ABCG1: variants seen among roughly 807,000 people sequenced by gnomAD.
ABCG1 encodes ATP-binding cassette sub-family G member 1.
A neutral mutation model predicts 69.2 loss-of-function variants in ABCG1; 29 were observed. That is an observed-to-expected ratio of 0.42 (90% CI 0.31 to 0.57). The LOEUF is 0.57. ABCG1 is among the 20% of genes least tolerant of loss of function. ABCG1 has a pLI of 0.15. For synonymous variants in ABCG1, 370 were observed against 374.8 expected (o/e 0.99, Z 0.15); for missense variants, 718 against 898.1 (o/e 0.80, Z 2.56).
chr21:42,250,114 G>T (rs995478882), intron 2 of ABCG1, among the ~76,000 whole-genome samples: 5 of 152,034 alleles, frequency 3.3e-5, no homozygotes, highest in Admixed American at 1.3e-4. Context: ...GGTGCAGGGG[G>T]AGGGGGCGTT....
At chr21:42,292,518 C>G (rs1369110947) in intron 13 of ABCG1, among the ~76,000 whole-genome samples, 1 of 152,022 alleles carries the variant, frequency 6.6e-6, no homozygotes, top group Non-Finnish European at 1.5e-5. Flanking sequence ...GCAGGGGTCA[C>G]TAATCAGACC....
intron 1 of ABCG1, among the ~76,000 whole-genome samples, chr21:42,200,259 G>C (rs1306016967): frequency 9.2e-5 from 14 of 152,326 alleles, no homozygotes. Flanking sequence ...ATGGGGGTGA[G>C]GCCGGCTTGG....
In ABCG1 at chr21:42,287,995, T is replaced by G. The variant is rs764931677; in HGVS notation, c.1080T>G (p.Asp360Glu). 4.3e-6 allele frequency: 7 copies of G among 1,613,178 alleles called. No homozygotes were observed. The highest frequency in any genetic ancestry group is 5.1e-6 in the Non-Finnish European group (6 of 1,179,536). Reference sequence around the variant, plus strand: ...ACCACAAGAGAGACCTCGGGGGTGATGCCGAGGTGAACCCTTTTCTTTGGC... The same window carrying G: ...ACCACAAGAGAGACCTCGGGGGTGAGGCCGAGGTGAACCCTTTTCTTTGGC... ...DSDHKRDLGGDAEVNPFLWHR... is the reference protein window; with the variant it reads ...DSDHKRDLGGEAEVNPFLWHR... Residue 360 changes from aspartate (D) to glutamate (E), a missense_variant, in exon 9 of 15, where the codon GAT becomes GAG. Transcript: ENST00000398449. The surrounding 1 kb of genome is among the most constrained non-coding windows in gnomAD (Gnocchi z 6.2).
At chr21:42,204,645 T>G (rs116989198) in intron 2 of ABCG1, among the ~76,000 whole-genome samples, 5,007 of 152,262 alleles carry the variant, frequency 0.033, 139 homozygotes, top group Middle Eastern at 0.068. Flanking sequence ...TCTGCTAGTA[T>G]TTTGTTTGGG....
At chr21:42,237,713 G>A (rs1448478154) in intron 2 of ABCG1, among the ~76,000 whole-genome samples, 1 of 152,238 alleles carries the variant, frequency 6.6e-6, no homozygotes, top group East Asian at 1.9e-4. Context: ...GGAAAACCAA[G>A]AGCCTTGAGA....
chr21:42,265,567 CAG>C (rs1287381558), intron 2 of ABCG1, among the ~76,000 whole-genome samples: 1 of 152,178 alleles, frequency 6.6e-6, no homozygotes, highest in African/African-American at 2.4e-5. Context: ...CTGGCAGAGA[CAG>C]GGGAGGTCCT....
intron 2 of ABCG1, among the ~76,000 whole-genome samples, chr21:42,246,935 A>G (rs962069836): frequency 1.3e-5 from 2 of 152,234 alleles, no homozygotes; most frequent in African/African-American, 4.8e-5. Flanking sequence ...AAAAAATCCT[A>G]CAATTAAAAT....
At chr21:42,244,220 G>C (rs1423005725) in intron 2 of ABCG1, among the ~76,000 whole-genome samples, 1 of 152,182 alleles carries the variant, frequency 6.6e-6, no homozygotes, top group East Asian at 1.9e-4. Flanking sequence ...GAGGTTAGCT[G>C]GGGGTGGAGA....
At chr21:42,284,205 C>T (rs2068889254) in intron 6 of ABCG1, among the ~76,000 whole-genome samples, 1 of 133,962 alleles carries the variant, frequency 7.5e-6, no homozygotes, top group Non-Finnish European at 1.6e-5. Context: ...CAAAGTCCCC[C>T]CGCCCAGATG....
intron 2 of ABCG1, among the ~76,000 whole-genome samples, chr21:42,268,388 T>TGTGTGTGCGCGC (rs57264459): frequency 1.0e-4 from 11 of 110,106 alleles, no homozygotes; most frequent in African/African-American, 3.0e-4. Context: ...TGTGTGTGTG[T>TGTGTGTGCGCGC]GCGCGCGCGC....
rs762723810 is a variant in ABCG1 at position 42,219,272 on chromosome 21, C to A, written c.10C>A (p.Leu4Met). Residue 4 changes from leucine to methionine, a missense_variant, in exon 1 of 15, where the codon CTG becomes ATG. Leu to Met is a conservative substitution (Grantham distance 15). This residue lies in a region of ABCG1 where 514 missense variants were observed against 574.3 expected (regional missense o/e 0.90). Coordinates refer to ENST00000398449, the MANE Select transcript of ABCG1 (RefSeq NM_016818.3). This position sits in a 1 kb window ranked among gnomAD's most constrained non-coding sequence, Gnocchi z 5.3. Reference protein sequence around the residue: MACLMAAFSVGTAM... With the variant: MACMMAAFSVGTAM... ...CCGCCGCCCCCGGGGCATGGCCTGT[C>A]TGATGGCCGCTTTCTCGGTCGGCAC... 1.3e-6 allele frequency: 2 copies of A among 1,587,414 alleles called. 1 individual carries two copies. Among genetic ancestry groups the A allele is most frequent in the South Asian group, 2.3e-5 (2 of 88,702 alleles).
chr21:42,258,311 C>T (rs548269611), intron 2 of ABCG1, among the ~76,000 whole-genome samples: 5 of 151,456 alleles, frequency 3.3e-5, no homozygotes, highest in Admixed American at 3.3e-4. Flanking sequence ...TCTCTCCATC[C>T]CTCCCTTCAT....
chr21:42,215,271 C>A (rs4148094), upstream of ABCG1, among the ~76,000 whole-genome samples: 1 of 152,180 alleles, frequency 6.6e-6, no homozygotes, highest in Non-Finnish European at 1.5e-5. Flanking sequence ...GACTCCCCTG[C>A]ACCCACCCTC....
chr21:42,285,788 G>A, intron 7 of ABCG1, 92 bp from the exon 8 acceptor site: 2 of 871,846 alleles, frequency 2.3e-6, no homozygotes, highest in Middle Eastern at 2.8e-4. Flanking sequence ...TGATTGATCG[G>A]TTGATTGATT....
At chr21:42,284,435 G>T (rs2068897714) in intron 6 of ABCG1, 125 bp from the exon 7 acceptor site, 1 of 1,202,292 alleles carries the variant, frequency 8.3e-7, no homozygotes, top group Non-Finnish European at 1.1e-6. Context: ...CTGGGACGGG[G>T]CAGCTGCAGC....
At chr21:42,293,104 T>C (rs796694693) in intron 13 of ABCG1, among the ~76,000 whole-genome samples, 6 of 45,736 alleles carry the variant, frequency 1.3e-4, no homozygotes, top group Admixed American at 5.5e-4. Flanking sequence ...CCACACACGG[T>C]ACACACCACA....
At chr21:42,260,212 A>G in intron 2 of ABCG1, 3 of 1,546,220 alleles carry the variant, frequency 1.9e-6, no homozygotes, top group Non-Finnish European at 2.6e-6. Context: ...GTAGATGCTC[A>G]CTTCAACCCT....
intron 2 of ABCG1, among the ~76,000 whole-genome samples, chr21:42,263,508 T>C (rs2068448164): frequency 6.6e-6 from 1 of 152,170 alleles, no homozygotes; most frequent in African/African-American, 2.4e-5. Flanking sequence ...TGGAAAAGCA[T>C]GTGAAGCTGT....
At chr21:42,284,782 T>C in intron 7 of ABCG1, 99 bp downstream of exon 7, 1 of 1,485,492 alleles carries the variant, frequency 6.7e-7, no homozygotes, top group African/African-American at 1.7e-5. Flanking sequence ...TGTTAGCTCG[T>C]GGGGCGTCTT....
Sources: gnomAD v4.1 joint callset for allele counts (sites outside exome capture counted in the v4.1 genomes callset) on GRCh38, gnomAD v4.1.1 for gene constraint, gnomAD v4.1.1 regional missense constraint, Gnocchi (gnomAD v3.1) non-coding constraint, MANE v1.5 for transcripts, NCBI Gene and HGNC (gene_info 2026-07-23, HGNC 2026-07-21) for gene names.